Variants in PRP4K observed in about 807,000 individuals in gnomAD.
The protein encoded by PRP4K is pre-mRNA processing factor kinase PRP4K.
At chr6:4,047,808 CAT>C in the PRP4K span, among the ~76,000 whole-genome samples, 1 of 151,530 alleles carries the variant, frequency 6.6e-6, no homozygotes, top group Non-Finnish European at 1.5e-5. Flanking sequence ...TTTCAAAGGA[CAT>C]GAGAAATAAG....
At chr6:4,049,724 C>T in the PRP4K span, 1 of 1,601,220 alleles carries the variant, frequency 6.2e-7, no homozygotes, top group South Asian at 1.1e-5. Flanking sequence ...TTCAATTTGC[C>T]TTTTTAGGTG....
At chr6:4,053,645 C>T in the PRP4K span, among the ~76,000 whole-genome samples, 5 of 152,170 alleles carry the variant, frequency 3.3e-5, no homozygotes, top group Non-Finnish European at 7.3e-5. Flanking sequence ...ACACACACTC[C>T]TCCCCTCCCT....
the PRP4K span, among the ~76,000 whole-genome samples, chr6:4,026,804 AAGG>A: frequency 6.6e-6 from 1 of 152,212 alleles, no homozygotes; most frequent in South Asian, 2.1e-4. Flanking sequence ...TTAAGCACAG[AAGG>A]AGAATATGTG....
At chr6:4,021,356 C>T in the PRP4K span, 4 of 1,547,944 alleles carry the variant, frequency 2.6e-6, no homozygotes, top group African/African-American at 4.1e-5. Flanking sequence ...TTTCCTTCTT[C>T]CTCCACTTCC....
the PRP4K span, chr6:4,021,307 A>G: frequency 2.9e-6 from 4 of 1,377,656 alleles, no homozygotes; most frequent in Non-Finnish European, 4.0e-6. Context: ...CTCAGAACCC[A>G]GCTCTTCCCT....
chr6:4,052,135 T>C, the PRP4K span: 1 of 1,509,498 alleles, frequency 6.6e-7, no homozygotes, highest in Non-Finnish European at 8.9e-7. Flanking sequence ...CAAATTTAAC[T>C]TCTTCATCTT....
At chr6:4,024,107 C>T in the PRP4K span, among the ~76,000 whole-genome samples, 5 of 152,084 alleles carry the variant, frequency 3.3e-5, no homozygotes, top group Non-Finnish European at 7.4e-5. Context: ...CCTCGTGATC[C>T]GCCCACCTCA....
At chr6:4,032,433 A>C in the PRP4K span, 1 of 1,614,152 alleles carries the variant, frequency 6.2e-7, no homozygotes, top group Non-Finnish European at 8.5e-7. Flanking sequence ...CAAAGACAGA[A>C]GGTCACGGTC....
the PRP4K span, among the ~76,000 whole-genome samples, chr6:4,050,722 G>GT: frequency 6.6e-6 from 1 of 152,166 alleles, no homozygotes; most frequent in African/African-American, 2.4e-5. Context: ...TAAGTGTTAA[G>GT]TTTAGATTGC....
the PRP4K span, chr6:4,047,216 G>C: frequency 6.2e-7 from 1 of 1,612,756 alleles, no homozygotes; most frequent in Non-Finnish European, 8.5e-7. Context: ...TATGTTTACA[G>C]AATCTGATGA....
At chr6:4,027,600 T>TG in the PRP4K span, among the ~76,000 whole-genome samples, 32 of 25,206 alleles carry the variant, frequency 1.3e-3, 1 homozygote, top group South Asian at 0.038. Context: ...GGCGGAGGGG[T>TG]GGGGGGGTGG....
chr6:4,049,007 T>C, the PRP4K span: 1 of 1,606,168 alleles, frequency 6.2e-7, no homozygotes, highest in East Asian at 2.2e-5. Flanking sequence ...GTTGCCTCTT[T>C]AATTTCAGAG....
chr6:4,029,012 C>CTTTTTTTTTTTTTTTTTTTTTTTTTTTTT, the PRP4K span, among the ~76,000 whole-genome samples: 1 of 132,484 alleles, frequency 7.5e-6, no homozygotes, highest in Non-Finnish European at 1.6e-5. Context: ...TACTTGGAAT[C>CTTTTTTTTTTTTTTTTTTTTTTTTTTTTT]TTTTTTTTTT....
chr6:4,027,776 G>A, the PRP4K span, among the ~76,000 whole-genome samples: 1 of 152,048 alleles, frequency 6.6e-6, no homozygotes, highest in African/African-American at 2.4e-5. Context: ...TAATGAAACT[G>A]GAATTTGAAC....
the PRP4K span, chr6:4,041,026 G>T: frequency 5.6e-6 from 7 of 1,249,458 alleles, no homozygotes; most frequent in Non-Finnish European, 7.7e-6. Flanking sequence ...TATTATAAGT[G>T]GCTCCATTAA....
At chr6:4,035,515 C>T in the PRP4K span, among the ~76,000 whole-genome samples, 2 of 151,880 alleles carry the variant, frequency 1.3e-5, no homozygotes, top group African/African-American at 4.8e-5. Context: ...AAAGAGTTTC[C>T]TCAGATGGCC....
At chr6:4,033,588 A>G in the PRP4K span, among the ~76,000 whole-genome samples, 341 of 152,296 alleles carry the variant, frequency 2.2e-3, 2 homozygotes, top group African/African-American at 7.6e-3. Context: ...GTATTTAAGT[A>G]TTATGAAATT....
At chr6:4,029,012 C>CTTTTTTTTTTTTTTTTTTTTTTTT in the PRP4K span, among the ~76,000 whole-genome samples, 6 of 132,574 alleles carry the variant, frequency 4.5e-5, 1 homozygote, top group South Asian at 2.3e-4. Context: ...TACTTGGAAT[C>CTTTTTTTTTTTTTTTTTTTTTTTT]TTTTTTTTTT....
At chr6:4,024,079 A>G in the PRP4K span, among the ~76,000 whole-genome samples, 75 of 152,064 alleles carry the variant, frequency 4.9e-4, no homozygotes, top group East Asian at 0.014. Context: ...GTTGGCCAGG[A>G]TGGTCCCGAT....
Sources: allele counts gnomAD v4.1 joint callset (sites outside exome capture counted in the v4.1 genomes callset), GRCh38; gene constraint gnomAD v4.1.1; transcripts MANE v1.5; gene names NCBI Gene and HGNC (gene_info 2026-07-23, HGNC 2026-07-21).